RBFOX1: variants seen among roughly 807,000 people sequenced by gnomAD.
The protein encoded by RBFOX1 is RNA binding protein fox-1 homolog 1.
Under a neutral mutation model 57.7 loss-of-function variants are expected in RBFOX1, and 8 were observed. The ratio of observed to expected loss-of-function variants is 0.14; its 90% CI spans 0.08 to 0.25. RBFOX1 has a LOEUF of 0.25. Among genes scored for constraint, RBFOX1 ranks in the 10% least tolerant of loss-of-function variants. RBFOX1 has a pLI of 1.00. For synonymous variants in RBFOX1, 326 were observed against 222.4 expected (o/e 1.47, Z -4.15); for missense variants, 611 against 548.5 (o/e 1.11, Z -1.14).
chr16:6,758,279 G>C (rs9922562), intron 3 of RBFOX1, among the ~76,000 whole-genome samples: 2,370 of 152,072 alleles, frequency 0.016, 64 homozygotes, highest in African/African-American at 0.055. Context: ...GTAAACTAGA[G>C]ATAATTTAGT....
At chr16:6,770,848 G>A (rs1225613558) in intron 3 of RBFOX1, among the ~76,000 whole-genome samples, 1 of 152,074 alleles carries the variant, frequency 6.6e-6, no homozygotes, top group African/African-American at 2.4e-5. Flanking sequence ...TAAATAGTAG[G>A]GCTGAAGTCT....
intron 4 of RBFOX1, among the ~76,000 whole-genome samples, chr16:7,199,357 C>T (rs1164215104): frequency 1.3e-5 from 2 of 151,918 alleles, no homozygotes; most frequent in Non-Finnish European, 2.9e-5. Flanking sequence ...TTTGAAAAAT[C>T]GAATGGTAAT....
At chr16:6,210,403 A>T (rs1476480179) in intron 1 of RBFOX1, among the ~76,000 whole-genome samples, 1 of 149,210 alleles carries the variant, frequency 6.7e-6, no homozygotes, top group Non-Finnish European at 1.5e-5. Flanking sequence ...GGAAAGAAGG[A>T]AGGGGAAAGA....
chr16:6,336,665 C>T (rs1472461750), intron 2 of RBFOX1, among the ~76,000 whole-genome samples: 2 of 152,090 alleles, frequency 1.3e-5, no homozygotes, highest in South Asian at 2.1e-4. Flanking sequence ...CTCCTCATCT[C>T]TGAAAGCCAT....
At chr16:6,185,665 CT>C (rs1195924619) in intron 1 of RBFOX1, among the ~76,000 whole-genome samples, 2 of 152,232 alleles carry the variant, frequency 1.3e-5, no homozygotes, top group African/African-American at 4.8e-5. Flanking sequence ...TATTTCACCC[CT>C]ATACACTTGT....
At chr16:5,812,017 G>A (rs2055450305) in intron 3 of RBFOX1, among the ~76,000 whole-genome samples, 2 of 152,134 alleles carry the variant, frequency 1.3e-5, no homozygotes, top group African/African-American at 4.8e-5. Flanking sequence ...CTTTCTGGAC[G>A]TTTCATGTAA....
chr16:7,074,352 A>G (rs1472544355), intron 4 of RBFOX1, among the ~76,000 whole-genome samples: 1 of 152,246 alleles, frequency 6.6e-6, no homozygotes, highest in African/African-American at 2.4e-5. Context: ...ATGCAAAAGT[A>G]ATTACGGCTT....
chr16:6,712,221 G>C (rs1300827628), intron 3 of RBFOX1, among the ~76,000 whole-genome samples: 3 of 152,150 alleles, frequency 2.0e-5, no homozygotes, highest in Non-Finnish European at 4.4e-5. Flanking sequence ...TGGTCAGCAA[G>C]GTTAAAACTC....
At chr16:5,752,179 C>T (rs906935547) in intron 3 of RBFOX1, among the ~76,000 whole-genome samples, 1 of 152,150 alleles carries the variant, frequency 6.6e-6, no homozygotes, top group African/African-American at 2.4e-5. Flanking sequence ...GAACAGAAAA[C>T]CACATACTGC....
chr16:6,367,884 C>T (rs1309143310), intron 2 of RBFOX1, among the ~76,000 whole-genome samples: 1 of 152,218 alleles, frequency 6.6e-6, no homozygotes, highest in Non-Finnish European at 1.5e-5. Flanking sequence ...ATCGTCAACT[C>T]CTACTGTGAA....
intron 4 of RBFOX1, among the ~76,000 whole-genome samples, chr16:7,201,192 G>C (rs919890524): frequency 6.6e-6 from 1 of 152,200 alleles, no homozygotes; most frequent in Non-Finnish European, 1.5e-5. Flanking sequence ...TTAAAACAAA[G>C]TCTGGTATAT....
intron 4 of RBFOX1, among the ~76,000 whole-genome samples, chr16:7,210,641 TTTGCTC>T (rs1446692787): frequency 6.6e-6 from 1 of 152,196 alleles, no homozygotes; most frequent in Non-Finnish European, 1.5e-5. Flanking sequence ...TACTCTGTAT[TTTGCTC>T]TTAGTAGGTG....
chr16:6,133,820 C>A (rs1002979060), intron 1 of RBFOX1, among the ~76,000 whole-genome samples: 1 of 152,078 alleles, frequency 6.6e-6, no homozygotes, highest in African/African-American at 2.4e-5. Flanking sequence ...CCTCATGTGC[C>A]CCAAGCAATA....
intron 2 of RBFOX1, among the ~76,000 whole-genome samples, chr16:6,555,747 C>G (rs992595311): frequency 1.3e-5 from 2 of 152,034 alleles, no homozygotes; most frequent in African/African-American, 2.4e-5. Context: ...ATCATTCCAT[C>G]TATTGTGTGT....
intron 1 of RBFOX1, among the ~76,000 whole-genome samples, chr16:6,189,528 T>C (rs1391299118): frequency 6.6e-6 from 1 of 152,200 alleles, no homozygotes; most frequent in Non-Finnish European, 1.5e-5. Context: ...GTTTGGGAGA[T>C]AGCTTAGGTG....
intron 4 of RBFOX1, among the ~76,000 whole-genome samples, chr16:7,432,707 C>A (rs774815017): frequency 6.6e-6 from 1 of 152,168 alleles, no homozygotes; most frequent in Non-Finnish European, 1.5e-5. Flanking sequence ...CTGAATCTGG[C>A]CTATGGGCCA....
intron 1 of RBFOX1, among the ~76,000 whole-genome samples, chr16:5,461,155 C>T (rs1017175981): frequency 6.6e-6 from 1 of 152,192 alleles, no homozygotes; most frequent in Admixed American, 6.5e-5. Context: ...CCCAAGGTGA[C>T]TGAACCCCGT....
intron 2 of RBFOX1, among the ~76,000 whole-genome samples, chr16:6,484,892 T>A (rs1319183654): frequency 6.6e-6 from 1 of 152,236 alleles, no homozygotes; most frequent in African/African-American, 2.4e-5. Flanking sequence ...GAATGCGGTT[T>A]ATTGCTGAAG....
chr16:5,689,727 G>A (rs144972796), intron 3 of RBFOX1, among the ~76,000 whole-genome samples: 194 of 151,888 alleles, frequency 1.3e-3, no homozygotes, highest in African/African-American at 4.6e-3. Flanking sequence ...GAACCTTTTA[G>A]GAACAAGGAA....
Sources: gnomAD v4.1 joint callset for allele counts (sites outside exome capture counted in the v4.1 genomes callset) on GRCh38, gnomAD v4.1.1 for gene constraint, MANE v1.5 for transcripts, NCBI Gene and HGNC (gene_info 2026-07-23, HGNC 2026-07-21) for gene names.